The following OSBPL10 variants were observed in gnomAD, a reference collection of about 807,000 sequenced individuals.
OSBPL10 encodes the protein oxysterol-binding protein-related protein 10.
A neutral mutation model predicts 81.7 loss-of-function variants in OSBPL10; 49 were observed. The observed-to-expected ratio is 0.60, with a 90% CI of 0.48 to 0.76. The LOEUF (loss-of-function observed/expected upper bound fraction) is 0.76, where lower values mean the gene tolerates loss of function less well. Among genes scored for constraint, OSBPL10 ranks in the 30% least tolerant of loss-of-function variants. The pLI is 0.00. For missense variants in OSBPL10, 923 were observed against 987.8 expected (o/e 0.93, Z 0.88); for synonymous variants, 419 against 383.6 (o/e 1.09, Z -1.08).
intron 4 of OSBPL10, among the ~76,000 whole-genome samples, chr3:31,784,381 G>A (rs997902764): frequency 6.9e-6 from 1 of 144,546 alleles, no homozygotes; most frequent in South Asian, 2.2e-4. Context: ...AAAGGAAAGG[G>A]AAAAGGAAAA....
chr3:31,770,514 C>T (rs575778678), intron 4 of OSBPL10, among the ~76,000 whole-genome samples: 26 of 152,290 alleles, frequency 1.7e-4, no homozygotes, highest in South Asian at 8.3e-4. Context: ...AGGCCTGGCA[C>T]GGTGGCTCAC....
chr3:31,851,451 G>A (rs1274058766), intron 3 of OSBPL10, among the ~76,000 whole-genome samples: 1 of 152,206 alleles, frequency 6.6e-6, no homozygotes, highest in Non-Finnish European at 1.5e-5. Context: ...TCTGCCCACA[G>A]CGGGATGAGG....
intron 4 of OSBPL10, among the ~76,000 whole-genome samples, chr3:31,801,885 C>T (rs1292627379): frequency 2.6e-5 from 4 of 151,824 alleles, no homozygotes; most frequent in Admixed American, 1.3e-4. Flanking sequence ...TGCAATGGCA[C>T]GATCTCAGCT....
intron 2 of OSBPL10, among the ~76,000 whole-genome samples, chr3:32,037,260 G>A (rs1319981921): frequency 1.3e-5 from 2 of 152,216 alleles, no homozygotes; most frequent in African/African-American, 4.8e-5. Flanking sequence ...ACTGCCCTCT[G>A]CAGAAGCTTT....
intron 1 of OSBPL10, among the ~76,000 whole-genome samples, chr3:31,924,825 T>C (rs1697024838): frequency 6.6e-6 from 1 of 150,964 alleles, no homozygotes; most frequent in Non-Finnish European, 1.5e-5. Flanking sequence ...AATAAAACTT[T>C]ATTTACAAAA....
rs768223594 is a variant in OSBPL10, at chr3:31,683,951, C to T, written c.1409G>A (p.Arg470His). The T allele has an allele frequency of 1.4e-5, 23 of 1,614,244 alleles. No homozygotes were observed. The highest frequency in any genetic ancestry group is 4.5e-5 in the East Asian group (2 of 44,886). Reference protein sequence around the residue: ...EYYLTAFHEGRKGALAKKPYN... With the variant: ...EYYLTAFHEGHKGALAKKPYN... ...GGGCTTCTTGGCTAAAGCGCCCTTG[C>T]GGCCCTCGTGAAAGGCTGTGAGATA... Residue 470 changes from arginine (R) to histidine (H), a missense_variant, in exon 8 of 12, where the codon CGC (arginine) becomes CAC (histidine). This residue lies in a region of OSBPL10 where 387 missense variants were observed against 436.3 expected (regional missense o/e 0.89). Coordinates refer to ENST00000396556, the MANE Select transcript of OSBPL10 (RefSeq NM_017784.5).
intron 2 of OSBPL10, among the ~76,000 whole-genome samples, chr3:32,037,251 C>T (rs560894808): frequency 1.3e-5 from 2 of 152,380 alleles, no homozygotes; most frequent in East Asian, 3.9e-4. Context: ...TGTGACTGCA[C>T]TGCCCTCTGC....
chr3:32,009,758 A>T (rs548037577), intron 2 of OSBPL10, among the ~76,000 whole-genome samples: 1 of 152,288 alleles, frequency 6.6e-6, no homozygotes, highest in East Asian at 1.9e-4. Flanking sequence ...AAGTTTCAAT[A>T]ACTGAAAAAT....
At chr3:31,730,814 T>TCCC (rs1388282992) in intron 6 of OSBPL10, among the ~76,000 whole-genome samples, 1 of 152,130 alleles carries the variant, frequency 6.6e-6, no homozygotes, top group Non-Finnish European at 1.5e-5. Context: ...ACCCCACTTA[T>TCCC]CCCCCCAAAG....
At chr3:31,671,208 G>A (rs927313998) in intron 8 of OSBPL10, among the ~76,000 whole-genome samples, 1 of 152,192 alleles carries the variant, frequency 6.6e-6, no homozygotes, top group East Asian at 1.9e-4. Flanking sequence ...GAAAGCAGAA[G>A]AGAAAGGTGG....
At chr3:31,722,254 C>T (rs575217657) in intron 6 of OSBPL10, among the ~76,000 whole-genome samples, 1 of 152,210 alleles carries the variant, frequency 6.6e-6, no homozygotes, top group African/African-American at 2.4e-5. Flanking sequence ...CGTCAAGGAA[C>T]CTGTATTCTC....
At chr3:31,754,398 C>T (rs1331672177) in intron 4 of OSBPL10, among the ~76,000 whole-genome samples, 5 of 151,892 alleles carry the variant, frequency 3.3e-5, no homozygotes, top group South Asian at 2.1e-4. Flanking sequence ...ACAAGATGAG[C>T]GGAAGGAAGA....
intron 7 of OSBPL10, among the ~76,000 whole-genome samples, chr3:31,688,241 A>C (rs1184193909): frequency 6.8e-6 from 1 of 147,542 alleles, no homozygotes; most frequent in Non-Finnish European, 1.5e-5. Context: ...GTCCTGACTG[A>C]CTGCCCCCAT....
intron 4 of OSBPL10, among the ~76,000 whole-genome samples, chr3:31,787,574 G>A (rs964047741): frequency 9.0e-5 from 13 of 144,304 alleles, no homozygotes; most frequent in African/African-American, 2.9e-4. Flanking sequence ...CAGCCTGGAC[G>A]ACAGAGCAAG....
At chr3:32,068,320 T>G (rs970482998) in intron 1 of OSBPL10, among the ~76,000 whole-genome samples, 2 of 152,214 alleles carry the variant, frequency 1.3e-5, no homozygotes, top group African/African-American at 4.8e-5. Context: ...GATGCCTGCC[T>G]TGGTCATTCA....
intron 1 of OSBPL10, among the ~76,000 whole-genome samples, chr3:32,075,010 G>A (rs1382601819): frequency 7.2e-5 from 11 of 152,222 alleles, no homozygotes; most frequent in South Asian, 2.1e-4. Flanking sequence ...ACGCCAACAC[G>A]ACCAAAAAGA....
At chr3:31,694,290 G>A (rs1695644549) in intron 7 of OSBPL10, among the ~76,000 whole-genome samples, 1 of 135,180 alleles carries the variant, frequency 7.4e-6, no homozygotes, top group African/African-American at 2.8e-5. Flanking sequence ...AGAATCACTT[G>A]AACTCGGGAG....
At chr3:31,937,472 C>A (rs1451630192) in intron 1 of OSBPL10, among the ~76,000 whole-genome samples, 1 of 152,168 alleles carries the variant, frequency 6.6e-6, no homozygotes, top group Non-Finnish European at 1.5e-5. Flanking sequence ...CAGCAGAGCA[C>A]TTCTCAAATT....
At position 31,885,995 on chromosome 3, in the gene OSBPL10, CA is replaced by C. The variant is rs397957994; in HGVS notation, c.282-6166del. ...GGGAAACAAGAGCGAAACTCCATCT[CA>C]AAAAAAAAAAAAAAAAAAGAAAGAA... On this transcript the variant is annotated intron_variant, in intron 1 of 11. Transcript: ENST00000396556. 7.6e-3 allele frequency among the ~76,000 whole-genome samples: 477 copies of C among 62,526 alleles called. 3 individuals are homozygous for C. The highest frequency in any genetic ancestry group is 0.027 in the African/African-American group (435 of 15,878). The allele number at this position is 62,526 out of a possible 152,430, so 41.0% of individuals were successfully genotyped here.
Sources: allele counts gnomAD v4.1 joint callset (sites outside exome capture counted in the v4.1 genomes callset), GRCh38; gene constraint gnomAD v4.1.1; regional missense constraint gnomAD v4.1.1; transcripts MANE v1.5; gene names NCBI Gene and HGNC (gene_info 2026-07-23, HGNC 2026-07-21).